OSBPL3: variants seen among roughly 807,000 people sequenced by gnomAD.
The protein encoded by OSBPL3 is oxysterol binding protein like 3, also known as oxysterol-binding protein-related protein 3.
In OSBPL3, 65 loss-of-function variants were observed where a neutral mutation model predicts 120.1. The observed-to-expected ratio is 0.54, with a 90% confidence interval of 0.44 to 0.67. OSBPL3 has a LOEUF of 0.67. Among genes scored for constraint, OSBPL3 ranks in the 30% least tolerant of loss-of-function variants. The pLI is 0.00. For synonymous variants in OSBPL3, 416 were observed against 402.6 expected, an observed-to-expected ratio of 1.03 and a Z score of -0.40; for missense variants, 1,004 against 1,082.1, an observed-to-expected ratio of 0.93 and a Z score of 1.01.
chr7:24,974,677 A>G (rs936506924), intron 1 of OSBPL3, among the ~76,000 whole-genome samples: 3 of 152,244 alleles, frequency 2.0e-5, no homozygotes, highest in Non-Finnish European at 2.9e-5. Context: ...AAAGGAATGA[A>G]GTACTGATAC....
chr7:24,934,360 C>T lies in OSBPL3; in HGVS notation c.-149-41739G>A, dbSNP rs181487417. Among the ~76,000 whole-genome samples, 66 of 152,110 alleles carry T rather than the reference C, an allele frequency of 4.3e-4. 1 individual carries two copies. The highest frequency in any genetic ancestry group is 1.6e-3 in the Admixed American group (24 of 15,274). ...CTCAGATCAAAGACACAATAATAGCCGGGAATAGAACATAAGTGAAATGAA... is the reference window on the plus strand; with the variant it reads ...CTCAGATCAAAGACACAATAATAGCTGGGAATAGAACATAAGTGAAATGAA... On this transcript the variant is annotated intron_variant, in intron 1 of 22. Transcript: ENST00000313367.
chr7:24,928,432 C>G (rs894004009), intron 1 of OSBPL3, among the ~76,000 whole-genome samples: 9 of 152,146 alleles, frequency 5.9e-5, no homozygotes, highest in Non-Finnish European at 1.2e-4. Flanking sequence ...ACCTCGTGAT[C>G]TGCCCACCTT....
intron 19 of OSBPL3, chr7:24,810,222 A>G (rs1793611385): frequency 6.4e-6 from 2 of 310,594 alleles, no homozygotes; most frequent in Non-Finnish European, 6.0e-6. Flanking sequence ...CTTACTTATG[A>G]TAACACTTAA....
Position 24,898,032 on chromosome 7 carries a change from A to C in OSBPL3, c.-149-5411T>G, listed in dbSNP as rs572030766. Among the ~76,000 whole-genome samples the C allele has an allele frequency of 6.6e-6, 1 of 152,348 alleles. No homozygotes were observed. The highest frequency in any genetic ancestry group is 2.1e-4 in the South Asian group (1 of 4,824). On this transcript the variant is annotated intron_variant, in intron 1 of 22. Coordinates refer to ENST00000313367, the MANE Select transcript of OSBPL3 (RefSeq NM_015550.4). This position sits in a 1 kb window ranked among gnomAD's most constrained non-coding sequence, Gnocchi z 4.3. The stretch of plus-strand genomic sequence containing the variant: ...AATTATGTCCTGAATTAACGTTAGA[A>C]ATTTTTTAAGTGGGATATCTATTTC...
chr7:24,980,394 C>G (rs1818192036), upstream of OSBPL3, among the ~76,000 whole-genome samples: 1 of 151,882 alleles, frequency 6.6e-6, no homozygotes, highest in African/African-American at 2.4e-5. Context: ...GAACTAGGGA[C>G]CCCGGATTCC....
chr7:24,849,268 T>C lies in OSBPL3; in HGVS notation c.1159-92A>G, dbSNP rs1484707195. The C allele has an allele frequency of 3.4e-6, 3 of 893,818 alleles. No homozygotes were observed. The highest frequency in any genetic ancestry group is 2.6e-5 in the East Asian group (1 of 38,990). 55.4% of individuals were successfully genotyped at this position (893,818 alleles called of 1,614,324 possible). A position where few individuals can be genotyped will look rare whatever the true frequency, so the allele number is the denominator to read the frequency against. ...CCCTGCAGGAGCGATCTCTAAGAGC[T>C]TGATGAAACTCTTAGTGACGTGGTC... On this transcript the variant is annotated intron_variant, in intron 11 of 22. Transcript: ENST00000313367. This position sits in a 1 kb window ranked among gnomAD's most constrained non-coding sequence, Gnocchi z 5.4.
chr7:24,832,110 A>T (rs933432630), intron 15 of OSBPL3, among the ~76,000 whole-genome samples: 1 of 150,544 alleles, frequency 6.6e-6, no homozygotes, highest in African/African-American at 2.5e-5. Context: ...GGGAGGCAGA[A>T]GTGGGAGGAC....
intron 1 of OSBPL3, among the ~76,000 whole-genome samples, chr7:24,920,874 C>T (rs541794103): frequency 1.4e-4 from 21 of 152,220 alleles, no homozygotes; most frequent in Admixed American, 8.5e-4. Context: ...CACATGGAAA[C>T]ACCTGTACAA....
chr7:24,856,240 G>A (rs1237545509), intron 10 of OSBPL3, among the ~76,000 whole-genome samples: 4 of 151,950 alleles, frequency 2.6e-5, no homozygotes, highest in Non-Finnish European at 5.9e-5. Flanking sequence ...GTCATAAGTT[G>A]CATCTACAGA....
chr7:24,967,316 C>T lies in OSBPL3; in HGVS notation c.-150+12570G>A, dbSNP rs1816503256. 6.6e-6 allele frequency among the ~76,000 whole-genome samples: 1 copy of T among 152,178 alleles called. No homozygotes were observed. Among genetic ancestry groups the T allele is most frequent in the Non-Finnish European group, 1.5e-5 (1 of 68,032 alleles). ...ACCCTTGGGTTCCCATGAATTCTTA[C>T]CCTACAGCTGCAAGGGATAACACTG... On this transcript the variant is annotated intron_variant, in intron 1 of 22. Transcript: ENST00000313367. The surrounding 1 kb of genome is among the most constrained non-coding windows in gnomAD (Gnocchi z 5.6).
Position 24,938,829 on chromosome 7 carries a change from G to T in OSBPL3, c.-150+41057C>A, listed in dbSNP as rs1812743248. On this transcript the variant is annotated intron_variant, in intron 1 of 22. Transcript: ENST00000313367. This position sits in a 1 kb window ranked among gnomAD's most constrained non-coding sequence, Gnocchi z 5.8. ...TGTGTGTGTGTGTGTGTGTGTGTGT[G>T]TGTGTTTTGAGAGCAAAACTAATGT... Among the ~76,000 whole-genome samples, 1 of 142,868 alleles carries T rather than the reference G, an allele frequency of 7.0e-6. No individual in the cohort carries two copies. Among genetic ancestry groups the T allele is most frequent in the Non-Finnish European group, 1.6e-5 (1 of 64,312 alleles). 93.7% of individuals were successfully genotyped at this position (142,868 alleles called of 152,430 possible).
intron 1 of OSBPL3, among the ~76,000 whole-genome samples, chr7:24,924,781 G>A (rs1385808799): frequency 6.6e-6 from 1 of 152,172 alleles, no homozygotes; most frequent in Non-Finnish European, 1.5e-5. Flanking sequence ...TCAGAAGGCT[G>A]TTAGATGCCC....
chr7:24,811,736 C>T (rs1793823905), intron 19 of OSBPL3, among the ~76,000 whole-genome samples: 1 of 152,192 alleles, frequency 6.6e-6, no homozygotes, highest in South Asian at 2.1e-4. Context: ...GGTTTTCCAA[C>T]ACCATTTATT....
intron 1 of OSBPL3, among the ~76,000 whole-genome samples, chr7:24,960,318 T>C (rs1246671900): frequency 6.6e-6 from 1 of 152,170 alleles, no homozygotes; most frequent in Non-Finnish European, 1.5e-5. Flanking sequence ...TAGTGTGGTA[T>C]ATAAATGAAT....
chr7:24,845,384 T>TAAAAAAAAAAAAAAAAAAAAAAAAAAAA (rs34559902), intron 12 of OSBPL3, among the ~76,000 whole-genome samples: 1 of 62,266 alleles, frequency 1.6e-5, no homozygotes, highest in Admixed American at 2.6e-4. Context: ...GCAAAATAAG[T>TAAAAAAAAAAAAAAAAAAAAAAAAAAAA]AAAAAAAAAA....
At chr7:24,963,853 A>AT (rs1816075072) in intron 1 of OSBPL3, among the ~76,000 whole-genome samples, 1 of 152,194 alleles carries the variant, frequency 6.6e-6, no homozygotes, top group African/African-American at 2.4e-5. Flanking sequence ...ATCAAGACCA[A>AT]TATCACCCAT....
rs146524952 is a variant in OSBPL3, at chr7:24,907,591, G to A, written c.-149-14970C>T. ...TATTCTGCACTCTCCCTTTCTCCTAGTGAGTCCTTCTTTATGGAGCACCCT... is the reference window on the plus strand; with the variant it reads ...TATTCTGCACTCTCCCTTTCTCCTAATGAGTCCTTCTTTATGGAGCACCCT... On this transcript the variant is annotated intron_variant, in intron 1 of 22. Coordinates refer to ENST00000313367, the MANE Select transcript of OSBPL3 (RefSeq NM_015550.4). Among the ~76,000 whole-genome samples the A allele has an allele frequency of 9.7e-4, 148 of 152,210 alleles. 1 individual carries two copies. Among genetic ancestry groups the A allele is most frequent in the African/African-American group, 3.2e-3 (134 of 41,516 alleles).
chr7:24,976,984 G>C (rs939476325), intron 1 of OSBPL3, among the ~76,000 whole-genome samples: 1 of 152,172 alleles, frequency 6.6e-6, no homozygotes, highest in Non-Finnish European at 1.5e-5. Flanking sequence ...CAGTGTCAGC[G>C]TAAGAGTAGA....
chr7:24,958,288 T>A (rs555277445), intron 1 of OSBPL3, among the ~76,000 whole-genome samples: 1 of 152,174 alleles, frequency 6.6e-6, no homozygotes, highest in Non-Finnish European at 1.5e-5. Context: ...AAAAATGCTA[T>A]CTCCATGTGT....
Sources: gnomAD v4.1 joint callset for allele counts (sites outside exome capture counted in the v4.1 genomes callset) on GRCh38, gnomAD v4.1.1 for gene constraint, Gnocchi (gnomAD v3.1) non-coding constraint, MANE v1.5 for transcripts, NCBI Gene and HGNC (gene_info 2026-07-23, HGNC 2026-07-21) for gene names.